PSPH: variants seen among roughly 807,000 people sequenced by gnomAD.
PSPH encodes the protein L-3-phosphoserine phosphatase.
Under a neutral mutation model 23.4 loss-of-function variants are expected in PSPH, and 16 were observed. That is an observed-to-expected ratio of 0.68 (90% CI 0.46 to 1.04). PSPH has a LOEUF of 1.04. Ranked by LOEUF, PSPH falls within the 50% of genes least tolerant of loss-of-function variation. The probability of loss-of-function intolerance (pLI) is 0.00; values close to 1 mark genes in which losing one functional copy is unlikely to be tolerated. For synonymous variants in PSPH, 68 were observed against 99.7 expected, an observed-to-expected ratio of 0.68 and a Z score of 1.89; for missense variants, 223 against 273.7, an observed-to-expected ratio of 0.81 and a Z score of 1.31.
Position 56,011,662 on chromosome 7 carries a change from C to T in PSPH, c.*100G>A, listed in dbSNP as rs1418167038. 1 of 881,784 alleles carries T rather than the reference C, an allele frequency of 1.1e-6. No homozygotes were observed. The highest frequency in any genetic ancestry group is 2.7e-5 in the East Asian group (1 of 37,164). The allele number at this position is 881,784 out of a possible 1,614,324, so 54.6% of individuals were successfully genotyped here. A position where few individuals can be genotyped will look rare whatever the true frequency, so the allele number is the denominator to read the frequency against. ...AGTACAGATCATTTGTACCAACTTT[C>T]TATAGCAAGTTGTAATAGGCAACTG... On this transcript the variant is annotated 3_prime_UTR_variant, in exon 8 of 8. Transcript: ENST00000275605.
Position 56,011,603 on chromosome 7 carries a change from AAG to A in PSPH, c.*157_*158del. On this transcript the variant is annotated 3_prime_UTR_variant, in exon 8 of 8. Coordinates refer to ENST00000275605, the MANE Select transcript of PSPH (RefSeq NM_004577.4). The stretch of plus-strand genomic sequence containing the variant: ...GGAACTACAGTTAAAAAAAAAAAAA[AAG>A]CAATCTTCTAGGATTCCTAACTGTA... The A allele has an allele frequency of 3.4e-6, 2 of 591,842 alleles. No individual in the cohort carries two copies. The highest frequency in any genetic ancestry group is 3.0e-5 in the Admixed American group (1 of 33,636). 36.7% of individuals were successfully genotyped at this position (591,842 alleles called of 1,614,324 possible).
chr7:56,048,413 T>C (rs1315007479), intron 1 of PSPH, among the ~76,000 whole-genome samples: 1 of 152,100 alleles, frequency 6.6e-6, no homozygotes. Flanking sequence ...ATTGCAGAAC[T>C]GTTCCAGACT....
At chr7:56,030,760 A>G (rs573806489) in intron 3 of PSPH, among the ~76,000 whole-genome samples, 14 of 152,158 alleles carry the variant, frequency 9.2e-5, no homozygotes, top group Admixed American at 3.3e-4. Flanking sequence ...TTAGCCAGGC[A>G]TGGTGGTGGG....
At chr7:56,035,502 C>T (rs1482641263) in intron 1 of PSPH, among the ~76,000 whole-genome samples, 2 of 152,090 alleles carry the variant, frequency 1.3e-5, no homozygotes, top group African/African-American at 4.8e-5. Flanking sequence ...CAAAGGCTGA[C>T]AGTCTGCACT....
intron 1 of PSPH, among the ~76,000 whole-genome samples, chr7:56,047,690 A>G (rs1793438975): frequency 6.7e-6 from 1 of 149,812 alleles, no homozygotes. Context: ...TTTTTTGATA[A>G]GAGCCTCGCT....
intron 1 of PSPH, among the ~76,000 whole-genome samples, chr7:56,037,706 ATTTT>A (rs71015167): frequency 8.7e-6 from 1 of 115,320 alleles, no homozygotes. Flanking sequence ...AAGCTAACAA[ATTTT>A]TTTTTTTTTT....
intron 1 of PSPH, among the ~76,000 whole-genome samples, chr7:56,047,570 C>G (rs1793411619): frequency 6.6e-6 from 1 of 151,962 alleles, no homozygotes; most frequent in African/African-American, 2.4e-5. Context: ...GTTAACATCA[C>G]CAGGAATGAG....
chr7:56,022,225 C>T (rs570682383), intron 3 of PSPH, among the ~76,000 whole-genome samples: 1 of 151,766 alleles, frequency 6.6e-6, no homozygotes, highest in Admixed American at 6.6e-5. Flanking sequence ...ATCCCAGCTA[C>T]TTGGGAGACT....
chr7:56,013,323 G>C (rs1018095272), intron 7 of PSPH, among the ~76,000 whole-genome samples: 5 of 151,892 alleles, frequency 3.3e-5, no homozygotes, highest in African/African-American at 9.7e-5. Flanking sequence ...TTCAAGATTA[G>C]CCTGGGCAAC....
chr7:56,018,856 G>A (rs1197737941), intron 5 of PSPH, among the ~76,000 whole-genome samples: 1 of 150,500 alleles, frequency 6.6e-6, no homozygotes, highest in Non-Finnish European at 1.5e-5. Context: ...TGTAGTCCCA[G>A]CTACTTAGGA....
intron 3 of PSPH, among the ~76,000 whole-genome samples, chr7:56,028,562 G>T (rs1005383555): frequency 6.6e-6 from 1 of 152,062 alleles, no homozygotes; most frequent in African/African-American, 2.4e-5. Flanking sequence ...ACTTTACATT[G>T]AATTTACTTG....
intron 7 of PSPH, among the ~76,000 whole-genome samples, chr7:56,012,887 G>A (rs903305891): frequency 1.3e-5 from 2 of 149,536 alleles, no homozygotes; most frequent in Non-Finnish European, 3.0e-5. Flanking sequence ...GAGCCACTGC[G>A]CCTGGCCACA....
intron 2 of PSPH, among the ~76,000 whole-genome samples, chr7:56,032,653 C>CA (rs71015165): frequency 0.14 from 10,912 of 80,366 alleles, 602 homozygotes; most frequent in Middle Eastern, 0.24. Context: ...GAGCGAGTCT[C>CA]AAAAAAAAAA....
chr7:56,026,635 T>C (rs1790231173), intron 3 of PSPH, among the ~76,000 whole-genome samples: 1 of 150,860 alleles, frequency 6.6e-6, no homozygotes, highest in Non-Finnish European at 1.5e-5. Flanking sequence ...ACCCTGTCTC[T>C]ATTAAAAAAA....
At chr7:56,049,587 C>T (rs558852572) in intron 1 of PSPH, among the ~76,000 whole-genome samples, 5 of 151,942 alleles carry the variant, frequency 3.3e-5, no homozygotes, top group African/African-American at 4.8e-5. Flanking sequence ...TACAGGCAGC[C>T]GCCACCATGC....
chr7:56,019,715 C>G lies in PSPH; in HGVS notation c.160G>C (p.Gly54Arg), dbSNP rs964520949. ...VSEMTRRAMGGAVPFKAALTE... is the reference protein window; with the variant it reads ...VSEMTRRAMGRAVPFKAALTE... ...AGAGCAGCTTTGAAAGGCACTGCCC[C>G]GCCCATGGCTCGCCGTGTCCTAGGA... The change falls in exon 5 of 8, where the codon GGG becomes CGG. Residue 54 changes from glycine to arginine, a missense_variant. Coordinates refer to ENST00000275605, the MANE Select transcript of PSPH (RefSeq NM_004577.4). 6.2e-7 allele frequency: 1 copy of G among 1,613,582 alleles called. No homozygotes were observed. Among genetic ancestry groups the G allele is most frequent in the Admixed American group, 1.7e-5 (1 of 59,984 alleles).
chr7:56,034,997 A>G (rs1471653269), intron 1 of PSPH, among the ~76,000 whole-genome samples: 2 of 151,972 alleles, frequency 1.3e-5, no homozygotes, highest in African/African-American at 4.8e-5. Context: ...TTGGCCTCCC[A>G]AAGTGTTGGG....
At chr7:56,029,082 T>G (rs1403741633) in intron 3 of PSPH, among the ~76,000 whole-genome samples, 1 of 152,084 alleles carries the variant, frequency 6.6e-6, no homozygotes, top group Non-Finnish European at 1.5e-5. Context: ...CCCAAAGTGC[T>G]GGGATGACAG....
intron 1 of PSPH, among the ~76,000 whole-genome samples, chr7:56,041,470 C>T (rs113516097): frequency 2.6e-5 from 4 of 151,856 alleles, no homozygotes; most frequent in African/African-American, 9.7e-5. Flanking sequence ...CTAGGCCTCC[C>T]GAAGTGCTGG....
Sources: allele counts gnomAD v4.1 joint callset (sites outside exome capture counted in the v4.1 genomes callset), GRCh38; gene constraint gnomAD v4.1.1; transcripts MANE v1.5; gene names NCBI Gene and HGNC (gene_info 2026-07-23, HGNC 2026-07-21).